The following QRFPR variants were observed in gnomAD, a reference collection of about 807,000 sequenced individuals.
QRFPR encodes the protein pyroglutamylated RF-amide peptide receptor.
Under a neutral mutation model 31.3 loss-of-function variants are expected in QRFPR, and 37 were observed. That is an observed-to-expected ratio of 1.18 (90% CI 0.91 to 1.56). The LOEUF (loss-of-function observed/expected upper bound fraction) is 1.56. Among genes scored for constraint, QRFPR ranks in the 40% most tolerant of loss-of-function variants. The pLI, the probability that QRFPR is intolerant of heterozygous loss-of-function variation, is 0.00. For missense variants in QRFPR, 542 were observed against 532.5 expected (o/e 1.02, Z -0.18); for synonymous variants, 197 against 192.0 (o/e 1.03, Z -0.22).
chr4:121,363,980 C>T (rs1513708), intron 1 of QRFPR, among the ~76,000 whole-genome samples: 9 of 149,590 alleles, frequency 6.0e-5, no homozygotes, highest in African/African-American at 2.0e-4. Context: ...GAAAAGCAAC[C>T]AGACAGCGAG....
At chr4:121,372,796 A>T (rs1009748438) in intron 1 of QRFPR, among the ~76,000 whole-genome samples, 1 of 152,206 alleles carries the variant, frequency 6.6e-6, no homozygotes, top group Non-Finnish European at 1.5e-5. Flanking sequence ...CACTGTGTGT[A>T]TACACAGCAT....
At position 121,380,841 on chromosome 4, in the gene QRFPR, C is replaced by A. The variant is rs112472687; in HGVS notation, c.-194G>T. ...GAGAGCAGCTCAGGGATCAAACCCA[C>A]GATAAAGAGGCGGGAAGCCAAAGCA... On this transcript the variant is annotated 5_prime_UTR_variant, in exon 1 of 6. Transcript: ENST00000394427. The A allele has an allele frequency of 0.047, 25,820 of 552,228 alleles. 1,600 individuals carry two copies. The highest frequency in any genetic ancestry group is 0.22 in the African/African-American group (11,347 of 52,388). The allele number at this position is 552,228 out of a possible 1,614,324, so 34.2% of individuals were successfully genotyped here.
chr4:121,343,522 T>C (rs62319028), intron 1 of QRFPR, among the ~76,000 whole-genome samples: 42,875 of 152,158 alleles, frequency 0.28, 6,480 homozygotes, highest in Middle Eastern at 0.38. Context: ...TTACTTTCAA[T>C]GTTAATAAAG....
intron 1 of QRFPR, among the ~76,000 whole-genome samples, chr4:121,373,456 G>T (rs1346049395): frequency 6.6e-6 from 1 of 152,052 alleles, no homozygotes; most frequent in Non-Finnish European, 1.5e-5. Context: ...TGTTGCTGTT[G>T]GACCTCTGTT....
At position 121,329,541 on chromosome 4, in the gene QRFPR, A is replaced by G; in HGVS notation, c.1069T>C (p.Ser357Pro). 6.2e-7 allele frequency: 1 copy of G among 1,613,658 alleles called. No individual in the cohort carries two copies. The highest frequency in any genetic ancestry group is 8.5e-7 in the Non-Finnish European group (1 of 1,179,842). Residue 357 changes from serine to proline, a missense_variant, in exon 6 of 6, where the codon TCT becomes CCT. Coordinates refer to ENST00000394427, the MANE Select transcript of QRFPR (RefSeq NM_198179.3). ...VCYCIVNKTF[S>P]PAQRHGNSGI... ...GAATTTCCATGCCTTTGTGCTGGAG[A>G]GAAGGTTTTATTTACTATGCAATAA...
chr4:121,359,761 G>GTATA lies in QRFPR; in HGVS notation c.341-19155_341-19152dup, dbSNP rs35601283. 3.3e-3 allele frequency among the ~76,000 whole-genome samples: 494 copies of GTATA among 147,882 alleles called. 1 individual carries two copies. Among genetic ancestry groups the GTATA allele is most frequent in the African/African-American group, 5.5e-3 (221 of 40,354 alleles). ...TATATTTGTGTGTATATATGGGAGTGTATATATATATATAGGAGTGTGTGT... is the reference window on the plus strand; with the variant it reads ...TATATTTGTGTGTATATATGGGAGTGTATATATATATATATATAGGAGTGTGTGT... On this transcript the variant is annotated intron_variant, in intron 1 of 5. Transcript: ENST00000394427.
intron 4 of QRFPR, among the ~76,000 whole-genome samples, chr4:121,330,887 G>A (rs1725308547): frequency 6.6e-6 from 1 of 152,118 alleles, no homozygotes; most frequent in Non-Finnish European, 1.5e-5. Flanking sequence ...AATTTAGGAA[G>A]TCTAACTTCT....
At position 121,330,486 on chromosome 4, in the gene QRFPR, C is replaced by G; in HGVS notation, c.835G>C (p.Val279Leu). 6.2e-7 allele frequency: 1 copy of G among 1,613,962 alleles called. No individual in the cohort carries two copies. Among genetic ancestry groups the G allele is most frequent in the Non-Finnish European group, 8.5e-7 (1 of 1,179,868 alleles). ...GCCCAGCACACAGCAAAGAGAGCCA[C>G]CACTGTCACCATCATAATGACAGCT... ...KRAVIMMVTV[V>L]ALFAVCWAPF... The change falls in exon 5 of 6, where the codon GTG becomes CTG. Residue 279 changes from valine to leucine, a missense_variant. Physicochemically the swap from Val to Leu is conservative, Grantham distance 32. Transcript: ENST00000394427.
At chr4:121,368,957 G>A (rs1349728243) in intron 1 of QRFPR, among the ~76,000 whole-genome samples, 3 of 151,484 alleles carry the variant, frequency 2.0e-5, no homozygotes, top group Admixed American at 1.3e-4. Context: ...ACAGGGGCAA[G>A]CTTTGTATCA....
At chr4:121,367,341 T>C (rs116613747) in intron 1 of QRFPR, among the ~76,000 whole-genome samples, 1,919 of 150,032 alleles carry the variant, frequency 0.013, 115 homozygotes, top group Non-Finnish European at 0.02. Context: ...CACTTTATCC[T>C]CCTCTAGAGA....
intron 1 of QRFPR, among the ~76,000 whole-genome samples, chr4:121,353,109 T>C (rs1431990739): frequency 6.6e-6 from 1 of 152,088 alleles, no homozygotes; most frequent in Non-Finnish European, 1.5e-5. Context: ...TCTTTATCAA[T>C]TCATCCATTG....
Position 121,375,621 on chromosome 4 carries a change from C to T in QRFPR, c.340+4687G>A, listed in dbSNP as rs114881883. On this transcript the variant is annotated intron_variant, in intron 1 of 5. Transcript: ENST00000394427. ...CTTCAGATCAGGTGAAAGACCATGG[C>T]TTATGATATTGATTAGATACTATTT... 4.7e-3 allele frequency among the ~76,000 whole-genome samples: 709 copies of T among 152,216 alleles called. 4 individuals carry two copies. Among genetic ancestry groups the T allele is most frequent in the African/African-American group, 0.016 (675 of 41,522 alleles).
chr4:121,331,642 T>G (rs1238933894), intron 4 of QRFPR, among the ~76,000 whole-genome samples: 1 of 147,338 alleles, frequency 6.8e-6, no homozygotes, highest in African/African-American at 2.5e-5. Context: ...ATTATTATTA[T>G]TATTATTATT....
intron 2 of QRFPR, among the ~76,000 whole-genome samples, chr4:121,339,780 C>A (rs1560734948): frequency 6.6e-6 from 1 of 151,840 alleles, no homozygotes. Context: ...ATAGAGAGAC[C>A]CTGTTGCTAC....
intron 1 of QRFPR, among the ~76,000 whole-genome samples, chr4:121,361,602 G>T (rs1347190935): frequency 1.3e-5 from 2 of 150,034 alleles, no homozygotes; most frequent in Admixed American, 1.3e-4. Context: ...TTAAAATGCA[G>T]ATTTTGATTC....
intron 1 of QRFPR, chr4:121,370,394 ACG>A: frequency 2.9e-6 from 2 of 699,926 alleles, no homozygotes; most frequent in South Asian, 2.8e-5. Flanking sequence ...CCCTGCCACC[ACG>A]GTGAAATGAT....
chr4:121,350,464 C>T (rs1725743027), intron 1 of QRFPR, among the ~76,000 whole-genome samples: 1 of 152,156 alleles, frequency 6.6e-6, no homozygotes, highest in African/African-American at 2.4e-5. Flanking sequence ...CTCAGCGTGA[C>T]ATTTAAAGAA....
chr4:121,354,426 C>T (rs553940081), intron 1 of QRFPR, among the ~76,000 whole-genome samples: 1 of 151,700 alleles, frequency 6.6e-6, no homozygotes, highest in Admixed American at 6.6e-5. Flanking sequence ...AAATCTTTCA[C>T]TTCTTTGGTT....
intron 1 of QRFPR, among the ~76,000 whole-genome samples, chr4:121,342,562 T>C (rs1041929841): frequency 1.3e-5 from 2 of 152,182 alleles, no homozygotes; most frequent in African/African-American, 4.8e-5. Context: ...TTTATTCTAC[T>C]CTTTTCCCAT....
Sources: gnomAD v4.1 joint callset for allele counts (sites outside exome capture counted in the v4.1 genomes callset) on GRCh38, gnomAD v4.1.1 for gene constraint, MANE v1.5 for transcripts, NCBI Gene and HGNC (gene_info 2026-07-23, HGNC 2026-07-21) for gene names.